Variants in NCOA3 observed in about 807,000 individuals in gnomAD.
NCOA3 encodes nuclear receptor coactivator 3, also known as CBP-interacting protein.
NCOA3 carries 51 observed loss-of-function variants against 158.8 expected under a neutral mutation model. The observed-to-expected ratio is 0.32, with a 90% confidence interval of 0.26 to 0.41. The LOEUF (loss-of-function observed/expected upper bound fraction) is 0.41. NCOA3 is among the 10% of genes least tolerant of loss of function. The pLI, the probability that NCOA3 is intolerant of heterozygous loss-of-function variation, is 1.00. For synonymous variants in NCOA3, 537 were observed against 592.4 expected, an observed-to-expected ratio of 0.91 and a Z score of 1.36; for missense variants, 1,510 against 1,746.6, an observed-to-expected ratio of 0.86 and a Z score of 2.41.
At chr20:47,527,093 GTAGTTTGC>G (rs2084467598) in intron 1 of NCOA3, among the ~76,000 whole-genome samples, 1 of 152,134 alleles carries the variant, frequency 6.6e-6, no homozygotes, top group Non-Finnish European at 1.5e-5. Flanking sequence ...TAGCTTTTAT[GTAGTTTGC>G]TTAGGATTGT....
At chr20:47,592,744 C>T (rs915967377) in intron 2 of NCOA3, among the ~76,000 whole-genome samples, 1 of 152,126 alleles carries the variant, frequency 6.6e-6, no homozygotes, top group Non-Finnish European at 1.5e-5. Flanking sequence ...GTCCTGGTAG[C>T]GGATGCTACT....
At chr20:47,520,099 A>G (rs1480139386) in intron 1 of NCOA3, among the ~76,000 whole-genome samples, 1 of 148,424 alleles carries the variant, frequency 6.7e-6, no homozygotes, top group Non-Finnish European at 1.5e-5. Context: ...AAGGAAGGCT[A>G]CAGGTTGTCA....
intron 1 of NCOA3, among the ~76,000 whole-genome samples, chr20:47,505,376 A>G (rs895987232): frequency 1.3e-5 from 2 of 152,072 alleles, no homozygotes; most frequent in Non-Finnish European, 2.9e-5. Flanking sequence ...TTTAAAAACT[A>G]TATAATTTCA....
At chr20:47,502,158 GA>G (rs2083942540) in intron 1 of NCOA3, 139 bp downstream of exon 1, 1 of 397,008 alleles carries the variant, frequency 2.5e-6, no homozygotes, top group Non-Finnish European at 4.4e-6. Flanking sequence ...CCGGCCGGGG[GA>G]CGCGCTGAGG....
chr20:47,655,421 G>A lies in NCOA3; in HGVS notation c.*2004G>A, dbSNP rs983977189. 1 of 152,206 alleles carries A rather than the reference G, an allele frequency of 6.6e-6. No individual in the cohort carries two copies. Among genetic ancestry groups the A allele is most frequent in the Non-Finnish European group, 1.5e-5 (1 of 68,038 alleles). 9.4% of individuals were successfully genotyped at this position (152,206 alleles called of 1,614,324 possible). On this transcript the variant is annotated 3_prime_UTR_variant, in exon 23 of 23. Coordinates refer to ENST00000371998, the MANE Select transcript of NCOA3 (RefSeq NM_181659.3). The stretch of plus-strand genomic sequence containing the variant: ...CCAATCTTTCTAGATGTCTCTGAAG[G>A]TAAGATCATTTAATATCTTTGATAT...
At chr20:47,580,608 C>G (rs2085437869) in intron 1 of NCOA3, among the ~76,000 whole-genome samples, 1 of 151,748 alleles carries the variant, frequency 6.6e-6, no homozygotes, top group Admixed American at 6.6e-5. Flanking sequence ...TCTTTTGTTC[C>G]TTAGGTGCTA....
chr20:47,561,290 T>TC (rs1474288334), intron 1 of NCOA3, among the ~76,000 whole-genome samples: 14 of 149,114 alleles, frequency 9.4e-5, no homozygotes, highest in African/African-American at 3.5e-4. Flanking sequence ...TTTTTTTTTT[T>TC]CAAGTTGACT....
At chr20:47,571,880 A>G (rs1420639142) in intron 1 of NCOA3, among the ~76,000 whole-genome samples, 2 of 151,672 alleles carry the variant, frequency 1.3e-5, no homozygotes, top group East Asian at 3.9e-4. Context: ...GGCACATGCC[A>G]CCATGCTCGA....
chr20:47,618,975 A>G (rs2086191575), intron 2 of NCOA3, among the ~76,000 whole-genome samples: 1 of 152,234 alleles, frequency 6.6e-6, no homozygotes, highest in Non-Finnish European at 1.5e-5. Context: ...CACTATATCA[A>G]CTGTAGAAGT....
At chr20:47,566,125 G>A (rs1406591936) in intron 1 of NCOA3, among the ~76,000 whole-genome samples, 1 of 152,060 alleles carries the variant, frequency 6.6e-6, no homozygotes, top group African/African-American at 2.4e-5. Context: ...CTTTCATCAT[G>A]TTGGCCAGGC....
intron 1 of NCOA3, among the ~76,000 whole-genome samples, chr20:47,544,316 C>CTTTTTTTTTTTTTTTTTTTTTTCTT (rs397866275): frequency 1.0e-5 from 1 of 99,720 alleles, no homozygotes; most frequent in East Asian, 2.8e-4. Context: ...TTTAATACTA[C>CTTTTTTTTTTTTTTTTTTTTTTCTT]TTTTTTTTTT....
chr20:47,515,350 A>G (rs955009097), intron 1 of NCOA3, among the ~76,000 whole-genome samples: 1 of 150,814 alleles, frequency 6.6e-6, no homozygotes, highest in African/African-American at 2.4e-5. Flanking sequence ...TTTAGTAGAG[A>G]TGGGGTTTCA....
At chr20:47,511,884 G>A (rs2084147622) in intron 1 of NCOA3, among the ~76,000 whole-genome samples, 1 of 152,076 alleles carries the variant, frequency 6.6e-6, no homozygotes, top group Non-Finnish European at 1.5e-5. Context: ...AGGGTGAGGA[G>A]GGGGATGATG....
At chr20:47,623,528 C>G (rs1304938943) in intron 3 of NCOA3, among the ~76,000 whole-genome samples, 2 of 152,226 alleles carry the variant, frequency 1.3e-5, no homozygotes, top group Non-Finnish European at 2.9e-5. Context: ...TGGCTCATGC[C>G]TGTAATCCCA....
intron 2 of NCOA3, among the ~76,000 whole-genome samples, chr20:47,592,411 T>G (rs1318415101): frequency 2.0e-5 from 3 of 152,226 alleles, no homozygotes; most frequent in Non-Finnish European, 2.9e-5. Context: ...TTCCTTTCTC[T>G]TCTTCAAATT....
chr20:47,652,563 A>C lies in NCOA3; in HGVS notation c.4104A>C (p.Gly1368=). 1.2e-6 allele frequency: 2 copies of C among 1,608,996 alleles called. No individual in the cohort carries two copies. Among genetic ancestry groups the C allele is most frequent in the Non-Finnish European group, 1.7e-6 (2 of 1,175,646 alleles). The part of the protein sequence containing the change: ...QSSEMKGWPS[G]NLARNSSFSQ... ...CAGAAATGAAGGGCTGGCCATCAGG[A>C]AATTTGGCCAGGAACAGGTAAAGAA... The change falls in exon 21 of 23, where the codon GGA becomes GGC. Residue 1368 remains glycine, a synonymous_variant. Coordinates refer to ENST00000371998, the MANE Select transcript of NCOA3 (RefSeq NM_181659.3).
At chr20:47,566,382 G>T (rs952983623) in intron 1 of NCOA3, among the ~76,000 whole-genome samples, 2 of 100,490 alleles carry the variant, frequency 2.0e-5, no homozygotes, top group African/African-American at 5.4e-5. Flanking sequence ...CCATTATATA[G>T]CGCTATCTGT....
intron 2 of NCOA3, among the ~76,000 whole-genome samples, chr20:47,615,757 C>T (rs1016481673): frequency 1.2e-4 from 18 of 152,168 alleles, no homozygotes; most frequent in African/African-American, 4.3e-4. Flanking sequence ...GATACTTGTT[C>T]ATTTTAAATC....
At chr20:47,632,992 A>G (rs188851637) in intron 8 of NCOA3, among the ~76,000 whole-genome samples, 63 of 152,212 alleles carry the variant, frequency 4.1e-4, no homozygotes, top group Non-Finnish European at 4.7e-4. Flanking sequence ...AGAGTTTTTT[A>G]TAGAATTTAA....
Sources: allele counts gnomAD v4.1 joint callset (sites outside exome capture counted in the v4.1 genomes callset), GRCh38; gene constraint gnomAD v4.1.1; transcripts MANE v1.5; gene names NCBI Gene and HGNC (gene_info 2026-07-23, HGNC 2026-07-21).